Variants in GALNT11 observed in about 807,000 individuals in gnomAD.
GALNT11 encodes the protein UDP-GalNAc:polypeptide N-acetylgalactosaminyltransferase 11.
In GALNT11, 47 loss-of-function variants were observed where a neutral mutation model predicts 72.7. The observed-to-expected ratio is 0.65, with a 90% CI of 0.51 to 0.82. The LOEUF (loss-of-function observed/expected upper bound fraction) is 0.82, where lower values mean the gene tolerates loss of function less well. Ranked by LOEUF, GALNT11 falls within the 40% of genes least tolerant of loss-of-function variation. The pLI is 0.00. For missense variants in GALNT11, 677 were observed against 778.4 expected (o/e 0.87, Z 1.55); for synonymous variants, 270 against 286.6 (o/e 0.94, Z 0.58).
rs556521415 is a variant in GALNT11 at position 152,096,999 on chromosome 7, T to C, written c.295+2477T>C. 3.9e-5 allele frequency among the ~76,000 whole-genome samples: 6 copies of C among 152,080 alleles called. No homozygotes were observed. The South Asian group carries it at 1.2e-3, about 32-fold the overall frequency. On this transcript the variant is annotated intron_variant, in intron 2 of 11. Transcript: ENST00000430044. ...TGTACCACTATGCCCAGCTAATTTT[T>C]GTATATTTTGTAGAGACAAGGTTTC...
chr7:152,041,665 G>C (rs911500396), intron 1 of GALNT11, among the ~76,000 whole-genome samples: 13 of 152,190 alleles, frequency 8.5e-5, no homozygotes, highest in African/African-American at 3.1e-4. Flanking sequence ...CTGTAACTCT[G>C]CCTCAGCTTC....
At chr7:152,029,055 C>T (rs986082697) in intron 1 of GALNT11, among the ~76,000 whole-genome samples, 7 of 152,120 alleles carry the variant, frequency 4.6e-5, no homozygotes, top group Admixed American at 2.0e-4. Flanking sequence ...GTTTGAAAGG[C>T]GTCTGATTTC....
At chr7:152,060,272 A>G (rs74489257) in intron 1 of GALNT11, among the ~76,000 whole-genome samples, 4,353 of 152,296 alleles carry the variant, frequency 0.029, 198 homozygotes, top group African/African-American at 0.098. Flanking sequence ...TTGATCTTCT[A>G]TCTGGAGCAC....
intron 1 of GALNT11, among the ~76,000 whole-genome samples, chr7:152,056,106 G>T (rs1264667175): frequency 6.6e-6 from 1 of 152,076 alleles, no homozygotes; most frequent in Non-Finnish European, 1.5e-5. Flanking sequence ...AAGCTTTTAG[G>T]ATTAGATTTT....
intron 1 of GALNT11, among the ~76,000 whole-genome samples, chr7:152,070,560 A>G (rs1302028659): frequency 1.3e-5 from 2 of 152,148 alleles, no homozygotes; most frequent in African/African-American, 2.4e-5. Flanking sequence ...CTTCAAAGCT[A>G]GCAGTAGGTC....
chr7:152,056,546 C>T (rs765365243), intron 1 of GALNT11, among the ~76,000 whole-genome samples: 29 of 152,220 alleles, frequency 1.9e-4, no homozygotes, highest in Non-Finnish European at 3.5e-4. Flanking sequence ...CACCCTTCTA[C>T]ACACATGTCC....
chr7:152,088,172 A>G (rs1387673095), intron 1 of GALNT11, among the ~76,000 whole-genome samples: 2 of 152,188 alleles, frequency 1.3e-5, no homozygotes, highest in African/African-American at 2.4e-5. Context: ...CCATTATTAT[A>G]TTTATGGTAG....
chr7:152,113,919 GT>G (rs36104315), intron 8 of GALNT11, among the ~76,000 whole-genome samples: 52,612 of 144,772 alleles, frequency 0.36, 12,116 homozygotes, highest in African/African-American at 0.67. Flanking sequence ...TTTAAAAAGT[GT>G]TTTTTTTTTT....
chr7:152,040,340 C>T (rs2082795329), intron 1 of GALNT11, among the ~76,000 whole-genome samples: 1 of 152,126 alleles, frequency 6.6e-6, no homozygotes, highest in Non-Finnish European at 1.5e-5. Context: ...AATTAGGTTC[C>T]AGTTCTCGAG....
intron 1 of GALNT11, among the ~76,000 whole-genome samples, chr7:152,080,277 G>A (rs2085242752): frequency 6.6e-6 from 1 of 152,066 alleles, no homozygotes; most frequent in Non-Finnish European, 1.5e-5. Flanking sequence ...TTGCTTGTGA[G>A]GTTAAAATAA....
intron 2 of GALNT11, among the ~76,000 whole-genome samples, chr7:152,096,971 G>A (rs2086429795): frequency 6.6e-6 from 1 of 152,028 alleles, no homozygotes; most frequent in Non-Finnish European, 1.5e-5. Flanking sequence ...GGGGCTACAG[G>A]GGTGTACCAC....
At chr7:152,117,471 T>A in intron 9 of GALNT11, 96 bp downstream of exon 9, 2 of 1,141,564 alleles carry the variant, frequency 1.8e-6, no homozygotes, top group Non-Finnish European at 1.3e-6. Flanking sequence ...ACTGTGGACT[T>A]AACAGAGTGT....
At chr7:152,112,201 G>A (rs2088299013) in intron 7 of GALNT11, among the ~76,000 whole-genome samples, 2 of 152,194 alleles carry the variant, frequency 1.3e-5, no homozygotes, top group South Asian at 2.1e-4. Flanking sequence ...TTGTTCATAT[G>A]TCCTTCTGTA....
chr7:152,088,669 A>G (rs985723480), intron 1 of GALNT11, among the ~76,000 whole-genome samples: 1 of 152,282 alleles, frequency 6.6e-6, no homozygotes, highest in African/African-American at 2.4e-5. Flanking sequence ...AGGTCATTGC[A>G]TCTACCTAAA....
chr7:152,101,836 G>A (rs1203883052), intron 3 of GALNT11, among the ~76,000 whole-genome samples: 1 of 152,084 alleles, frequency 6.6e-6, no homozygotes, highest in Non-Finnish European at 1.5e-5. Flanking sequence ...GTTTCACCAT[G>A]TTGGCCAGGC....
At chr7:152,089,509 G>A (rs1211222365) in intron 1 of GALNT11, among the ~76,000 whole-genome samples, 1 of 152,184 alleles carries the variant, frequency 6.6e-6, no homozygotes, top group Admixed American at 6.5e-5. Context: ...GTCTCCATTG[G>A]CTGGAGCCAG....
chr7:152,082,555 T>C (rs757490329), intron 1 of GALNT11, among the ~76,000 whole-genome samples: 2 of 152,248 alleles, frequency 1.3e-5, no homozygotes, highest in Non-Finnish European at 2.9e-5. Flanking sequence ...AATGCTTGCT[T>C]GGACTAGTAA....
At chr7:152,115,555 C>T (rs191924280) in intron 8 of GALNT11, among the ~76,000 whole-genome samples, 4 of 152,270 alleles carry the variant, frequency 2.6e-5, no homozygotes, top group East Asian at 1.9e-4. Context: ...GCGGAGCTAG[C>T]GGCTGCTCTC....
intron 2 of GALNT11, among the ~76,000 whole-genome samples, chr7:152,100,496 T>C (rs1316916294): frequency 6.6e-6 from 1 of 151,442 alleles, no homozygotes; most frequent in South Asian, 2.1e-4. Context: ...AACCAGGGAG[T>C]TGGAGGTTGC....
Sources: allele counts gnomAD v4.1 joint callset (sites outside exome capture counted in the v4.1 genomes callset), GRCh38; gene constraint gnomAD v4.1.1; transcripts MANE v1.5; gene names NCBI Gene and HGNC (gene_info 2026-07-23, HGNC 2026-07-21).